VDAC1: variants seen among roughly 807,000 people sequenced by gnomAD.
VDAC1 encodes voltage dependent anion channel 1, also known as non-selective voltage-gated ion channel VDAC1.
Under a neutral mutation model 34.7 loss-of-function variants are expected in VDAC1, and 10 were observed. The ratio of observed to expected loss-of-function variants is 0.29; its 90% CI spans 0.18 to 0.49. The LOEUF (loss-of-function observed/expected upper bound fraction) is 0.49, where lower values mean the gene tolerates loss of function less well. VDAC1 is among the 20% of genes least tolerant of loss of function. The pLI is 0.99. For synonymous variants in VDAC1, 130 were observed against 136.0 expected, an observed-to-expected ratio of 0.96 and a Z score of 0.30; for missense variants, 230 against 347.9, an observed-to-expected ratio of 0.66 and a Z score of 2.69.
the VDAC1 span, chr5:134,081,904 C>T: frequency 8.9e-3 from 1,397 of 156,404 alleles, 14 homozygotes; most frequent in Non-Finnish European, 0.012. Context: ...GTGCTGGAGT[C>T]GGCCTCATGA....
At chr5:134,113,755 G>A in the VDAC1 span, among the ~76,000 whole-genome samples, 146 of 152,364 alleles carry the variant, frequency 9.6e-4, no homozygotes, top group Admixed American at 2.3e-3. Context: ...GCACTTTCCC[G>A]CGCTCCGCAA....
the VDAC1 span, among the ~76,000 whole-genome samples, chr5:134,014,607 C>T: frequency 0.15 from 23,210 of 152,154 alleles, 1,948 homozygotes; most frequent in East Asian, 0.32. Flanking sequence ...GTGGCTCACA[C>T]CTGTAATCCC....
chr5:134,065,981 T>TG, the VDAC1 span, among the ~76,000 whole-genome samples: 5,804 of 151,714 alleles, frequency 0.038, 287 homozygotes, highest in East Asian at 0.16. Context: ...TTAGTAGAGA[T>TG]GGGGGGTCTC....
chr5:134,103,725 C>G, the VDAC1 span, among the ~76,000 whole-genome samples: 1 of 152,246 alleles, frequency 6.6e-6, no homozygotes, highest in Non-Finnish European at 1.5e-5. Flanking sequence ...CATCCTCAAA[C>G]ATAAAACGAA....
chr5:133,996,433 G>A (rs1012592012), intron 1 of VDAC1, among the ~76,000 whole-genome samples: 3 of 152,272 alleles, frequency 2.0e-5, no homozygotes, highest in Middle Eastern at 3.4e-3. Context: ...AGAGGGGAAG[G>A]ATAGTGTATC....
At chr5:134,022,489 G>A in the VDAC1 span, among the ~76,000 whole-genome samples, 1 of 152,276 alleles carries the variant, frequency 6.6e-6, no homozygotes, top group East Asian at 1.9e-4. Flanking sequence ...AGAAAGAGGA[G>A]GCCAACCCAT....
At chr5:133,983,990 G>A (rs1171845056) in intron 5 of VDAC1, among the ~76,000 whole-genome samples, 2 of 152,140 alleles carry the variant, frequency 1.3e-5, no homozygotes, top group Non-Finnish European at 2.9e-5. Flanking sequence ...CCTGTGCTCT[G>A]CTTGTACAGA....
chr5:134,002,105 C>T (rs1352953793), intron 1 of VDAC1, among the ~76,000 whole-genome samples: 1 of 152,104 alleles, frequency 6.6e-6, no homozygotes, highest in African/African-American at 2.4e-5. Flanking sequence ...CACTACACCA[C>T]GGGAAATTCC....
intron 5 of VDAC1, among the ~76,000 whole-genome samples, chr5:133,987,589 G>A (rs1168333465): frequency 1.3e-5 from 2 of 151,976 alleles, no homozygotes; most frequent in Non-Finnish European, 2.9e-5. Context: ...GAGGAAGGAG[G>A]ATTGCTGGAT....
At chr5:134,035,303 G>A in the VDAC1 span, among the ~76,000 whole-genome samples, 4 of 152,296 alleles carry the variant, frequency 2.6e-5, no homozygotes, top group Middle Eastern at 0.01. Flanking sequence ...GTGCAGTGGT[G>A]CCATCATCTC....
chr5:134,037,517 C>T, the VDAC1 span, among the ~76,000 whole-genome samples: 2 of 152,290 alleles, frequency 1.3e-5, no homozygotes, highest in South Asian at 4.1e-4. Flanking sequence ...CTGCTGACCC[C>T]AAGTTTTTTA....
rs1752327630 is a variant in VDAC1 at position 133,972,360 on chromosome 5, G to A, written c.*411C>T. 8.1e-6 allele frequency: 3 copies of A among 368,184 alleles called. No individual in the cohort carries two copies. The highest frequency in any genetic ancestry group is 2.1e-5 in the African/African-American group (1 of 48,088). The allele number at this position is 368,184 out of a possible 1,614,324, so 22.8% of individuals were successfully genotyped here. A position where few individuals can be genotyped will look rare whatever the true frequency, so the allele number is the denominator to read the frequency against. On this transcript the variant is annotated 3_prime_UTR_variant, in exon 9 of 9. Coordinates refer to ENST00000265333, the MANE Select transcript of VDAC1 (RefSeq NM_003374.3). ...CTGTCTAAAAAAGTCCCATTCAGGTGAGTTTGTACACACCATCAAGCAGCG... is the reference window on the plus strand; with the variant it reads ...CTGTCTAAAAAAGTCCCATTCAGGTAAGTTTGTACACACCATCAAGCAGCG...
At chr5:134,090,847 A>C in the VDAC1 span, among the ~76,000 whole-genome samples, 5 of 152,240 alleles carry the variant, frequency 3.3e-5, no homozygotes, top group Non-Finnish European at 7.3e-5. Flanking sequence ...TAAAGCCTTC[A>C]TCTTCCTTTG....
chr5:134,046,599 C>T, the VDAC1 span, among the ~76,000 whole-genome samples: 4 of 152,206 alleles, frequency 2.6e-5, no homozygotes, highest in African/African-American at 9.7e-5. Flanking sequence ...AGTGTTCTGC[C>T]TACCACACCA....
chr5:134,063,995 ATTTTTTTT>A, the VDAC1 span, among the ~76,000 whole-genome samples: 1 of 86,516 alleles, frequency 1.2e-5, no homozygotes, highest in African/African-American at 4.6e-5. Context: ...ACCTGTACTA[ATTTTTTTT>A]TTTTTTTTTT....
chr5:134,094,424 C>T, the VDAC1 span, among the ~76,000 whole-genome samples: 3,929 of 152,182 alleles, frequency 0.026, 170 homozygotes, highest in African/African-American at 0.088. Flanking sequence ...AATGGCCGGG[C>T]GCGGTGGCTC....
At chr5:134,010,854 A>AAT in the VDAC1 span, among the ~76,000 whole-genome samples, 2 of 152,100 alleles carry the variant, frequency 1.3e-5, no homozygotes, top group Non-Finnish European at 2.9e-5. Flanking sequence ...GTACATATTT[A>AAT]ATATATATAT....
At chr5:134,042,303 C>T in the VDAC1 span, among the ~76,000 whole-genome samples, 2 of 152,144 alleles carry the variant, frequency 1.3e-5, no homozygotes, top group Non-Finnish European at 2.9e-5. Flanking sequence ...TGGTCTGGAC[C>T]TCCTTCCTCA....
chr5:134,108,826 C>A, the VDAC1 span, among the ~76,000 whole-genome samples: 1 of 152,142 alleles, frequency 6.6e-6, no homozygotes, highest in Non-Finnish European at 1.5e-5. Flanking sequence ...CCCAGGGACC[C>A]TATGGGGTCA....
Sources: allele counts gnomAD v4.1 joint callset (sites outside exome capture counted in the v4.1 genomes callset), GRCh38; gene constraint gnomAD v4.1.1; transcripts MANE v1.5; gene names NCBI Gene and HGNC (gene_info 2026-07-23, HGNC 2026-07-21).